Variants in SAMD12 observed in about 807,000 individuals in gnomAD.
SAMD12 encodes the protein sterile alpha motif domain-containing protein 12.
SAMD12 carries 9 observed loss-of-function variants against 15.0 expected under a neutral mutation model. That is an observed-to-expected ratio of 0.60 (90% CI 0.36 to 1.05). The LOEUF is 1.05. Among genes scored for constraint, SAMD12 ranks in the 50% least tolerant of loss-of-function variants. The probability of loss-of-function intolerance (pLI) is 0.01; values close to 1 mark genes in which losing one functional copy is unlikely to be tolerated. For synonymous variants in SAMD12, 86 were observed against 90.1 expected (o/e 0.96, Z 0.25); for missense variants, 230 against 234.2 (o/e 0.98, Z 0.12).
intron 3 of SAMD12, among the ~76,000 whole-genome samples, chr8:118,432,532 G>C (rs1484770285): frequency 1.3e-5 from 2 of 152,170 alleles, no homozygotes; most frequent in Admixed American, 6.5e-5. Context: ...CTAGGGGTGT[G>C]TTTCAGTCAA....
intron 2 of SAMD12, among the ~76,000 whole-genome samples, chr8:118,499,995 T>A (rs998824917): frequency 6.9e-6 from 1 of 145,456 alleles, no homozygotes; most frequent in African/African-American, 2.5e-5. Context: ...GAGTAGACAG[T>A]GATCTGTACG....
At chr8:118,327,674 T>C (rs190972948) in intron 4 of SAMD12, among the ~76,000 whole-genome samples, 1 of 152,316 alleles carries the variant, frequency 6.6e-6, no homozygotes, top group East Asian at 1.9e-4. Context: ...TAATAAAATG[T>C]TGATTTAAAA....
intron 4 of SAMD12, among the ~76,000 whole-genome samples, chr8:118,283,583 A>G (rs999952090): frequency 2.0e-5 from 3 of 152,214 alleles, no homozygotes; most frequent in Non-Finnish European, 4.4e-5. Context: ...GCCATACCTG[A>G]ACTAATTTGC....
At chr8:118,572,897 G>A (rs1827056493) in intron 2 of SAMD12, among the ~76,000 whole-genome samples, 1 of 152,108 alleles carries the variant, frequency 6.6e-6, no homozygotes, top group Non-Finnish European at 1.5e-5. Context: ...CCTGGTGGGA[G>A]GTAATTGAAT....
At chr8:118,279,733 A>T (rs749057746) in intron 4 of SAMD12, among the ~76,000 whole-genome samples, 14 of 152,230 alleles carry the variant, frequency 9.2e-5, no homozygotes, top group Non-Finnish European at 1.6e-4. Context: ...TTTTCATGTT[A>T]TAATCTGGAC....
intron 1 of SAMD12, among the ~76,000 whole-genome samples, chr8:118,615,869 C>G (rs980669355): frequency 1.4e-4 from 21 of 152,266 alleles, no homozygotes; most frequent in African/African-American, 5.1e-4. Context: ...AAACCCTGTC[C>G]GAACTAGCTA....
intron 1 of SAMD12, among the ~76,000 whole-genome samples, chr8:118,607,746 G>C (rs1828018389): frequency 1.3e-5 from 2 of 152,028 alleles, no homozygotes; most frequent in South Asian, 4.2e-4. Flanking sequence ...TGTACTACAG[G>C]AATATTTTTC....
At chr8:118,568,697 G>T (rs987875460) in intron 2 of SAMD12, among the ~76,000 whole-genome samples, 5 of 152,180 alleles carry the variant, frequency 3.3e-5, no homozygotes, top group African/African-American at 7.2e-5. Context: ...CAGCAAGATG[G>T]CAAGTCCAGG....
chr8:118,476,040 T>C (rs1823949892), intron 2 of SAMD12, among the ~76,000 whole-genome samples: 1 of 152,228 alleles, frequency 6.6e-6, no homozygotes, highest in Non-Finnish European at 1.5e-5. Context: ...ATCTGCTACA[T>C]GGTATCCTAA....
chr8:118,519,007 C>G (rs895942486), intron 2 of SAMD12, among the ~76,000 whole-genome samples: 1 of 152,094 alleles, frequency 6.6e-6, no homozygotes, highest in Non-Finnish European at 1.5e-5. Context: ...ATTTAAGAGG[C>G]AGGAGTCATG....
chr8:118,600,635 GACC>G (rs1827837464), intron 1 of SAMD12, among the ~76,000 whole-genome samples: 1 of 152,086 alleles, frequency 6.6e-6, no homozygotes, highest in Non-Finnish European at 1.5e-5. Flanking sequence ...TCAGCCTTGA[GACC>G]ACCATGTTAC....
chr8:118,363,241 A>G (rs1471899013), intron 4 of SAMD12, among the ~76,000 whole-genome samples: 1 of 152,118 alleles, frequency 6.6e-6, no homozygotes, highest in African/African-American at 2.4e-5. Flanking sequence ...TGTCAGCTTG[A>G]CTGGGCCATA....
chr8:118,308,076 T>G (rs918058251), intron 4 of SAMD12, among the ~76,000 whole-genome samples: 2 of 152,226 alleles, frequency 1.3e-5, no homozygotes, highest in Admixed American at 1.3e-4. Context: ...GTAATTCCTG[T>G]TTTCCTCTCT....
the SAMD12 span, among the ~76,000 whole-genome samples, chr8:118,160,018 C>T: frequency 1.3e-5 from 2 of 152,134 alleles, no homozygotes; most frequent in African/African-American, 4.8e-5. Context: ...CTGCGCCCGG[C>T]CCATAACAAA....
At chr8:118,301,952 G>A (rs1404406844) in intron 4 of SAMD12, among the ~76,000 whole-genome samples, 1 of 151,998 alleles carries the variant, frequency 6.6e-6, no homozygotes, top group East Asian at 1.9e-4. Flanking sequence ...TGAGAAGATG[G>A]CAGTGAAAAC....
the SAMD12 span, among the ~76,000 whole-genome samples, chr8:118,172,064 T>C: frequency 0.019 from 2,924 of 152,134 alleles, 47 homozygotes; most frequent in Non-Finnish European, 0.028. Flanking sequence ...ATGAGAATAC[T>C]TGGACACAGG....
intron 4 of SAMD12, among the ~76,000 whole-genome samples, chr8:118,257,375 G>C (rs1812971531): frequency 6.6e-6 from 1 of 152,058 alleles, no homozygotes; most frequent in South Asian, 2.1e-4. Context: ...CAGAATCCAA[G>C]AGACACACAG....
chr8:118,252,765 A>G (rs551883615), intron 4 of SAMD12, among the ~76,000 whole-genome samples: 25 of 152,092 alleles, frequency 1.6e-4, no homozygotes, highest in African/African-American at 5.8e-4. Flanking sequence ...TGAGTGTAGA[A>G]GGCGCTGGGA....
chr8:118,486,948 T>C (rs767949958), intron 2 of SAMD12, among the ~76,000 whole-genome samples: 1 of 152,110 alleles, frequency 6.6e-6, no homozygotes, highest in Non-Finnish European at 1.5e-5. Context: ...CCCAGCCCAA[T>C]AGAGGTGAAG....
Sources: gnomAD v4.1 joint callset for allele counts (sites outside exome capture counted in the v4.1 genomes callset) on GRCh38, gnomAD v4.1.1 for gene constraint, MANE v1.5 for transcripts, NCBI Gene and HGNC (gene_info 2026-07-23, HGNC 2026-07-21) for gene names.